The following SNTG1 variants were observed in gnomAD, a reference collection of about 807,000 sequenced individuals.
SNTG1 encodes the protein syntrophin gamma 1.
SNTG1 carries 39 observed loss-of-function variants against 74.7 expected under a neutral mutation model. That is an observed-to-expected ratio of 0.52 (90% CI 0.40 to 0.68). The LOEUF (loss-of-function observed/expected upper bound fraction) is 0.68. SNTG1 is among the 30% of genes least tolerant of loss of function. The pLI is 0.00. For synonymous variants in SNTG1, 254 were observed against 217.1 expected (o/e 1.17, Z -1.49); for missense variants, 685 against 609.5 (o/e 1.12, Z -1.30).
intron 5 of SNTG1, among the ~76,000 whole-genome samples, chr8:50,442,453 GGCTCACTCCT>G (rs1270604413): frequency 6.6e-6 from 1 of 151,904 alleles, no homozygotes; most frequent in Non-Finnish European, 1.5e-5. Context: ...TTATGCACCT[GGCTCACTCCT>G]GCTCCCAGCC....
intron 8 of SNTG1, chr8:50,457,934 T>G (rs2093521995): frequency 6.6e-6 from 1 of 152,366 alleles, no homozygotes; most frequent in Middle Eastern, 3.4e-3. Flanking sequence ...GGCAGCCGGT[T>G]TCACCACTCA....
At chr8:50,473,732 C>T (rs927765520) in intron 8 of SNTG1, among the ~76,000 whole-genome samples, 5 of 152,006 alleles carry the variant, frequency 3.3e-5, no homozygotes, top group African/African-American at 1.2e-4. Context: ...TATTATTCTC[C>T]CCCAAATGGA....
chr8:50,453,194 A>G (rs1216897048), intron 8 of SNTG1, among the ~76,000 whole-genome samples: 2 of 152,194 alleles, frequency 1.3e-5, no homozygotes, highest in South Asian at 2.1e-4. Flanking sequence ...TTTGATTTAT[A>G]TAGAAGGGGG....
chr8:50,143,735 T>G (rs538922968), intron 1 of SNTG1, among the ~76,000 whole-genome samples: 1 of 152,272 alleles, frequency 6.6e-6, no homozygotes, highest in East Asian at 1.9e-4. Context: ...TAGAGTGTAT[T>G]TTAGTATAAT....
intron 9 of SNTG1, among the ~76,000 whole-genome samples, chr8:50,506,614 T>G (rs1475284588): frequency 6.6e-6 from 1 of 152,078 alleles, no homozygotes; most frequent in Non-Finnish European, 1.5e-5. Flanking sequence ...ATAAAATTGT[T>G]TTTTTATTGT....
At chr8:50,773,107 A>G (rs1471605954) in intron 18 of SNTG1, among the ~76,000 whole-genome samples, 1 of 152,138 alleles carries the variant, frequency 6.6e-6, no homozygotes. Context: ...ACTAAGACAC[A>G]GGCCTTGTCA....
At chr8:49,988,724 A>T (rs1227418831) in intron 1 of SNTG1, among the ~76,000 whole-genome samples, 1 of 152,108 alleles carries the variant, frequency 6.6e-6, no homozygotes, top group Non-Finnish European at 1.5e-5. Context: ...ATATAAGTGA[A>T]AATGAAGTCA....
At chr8:50,232,112 A>C (rs886185976) in intron 2 of SNTG1, among the ~76,000 whole-genome samples, 1 of 151,554 alleles carries the variant, frequency 6.6e-6, no homozygotes, top group East Asian at 1.9e-4. Flanking sequence ...CTGTTCCCAA[A>C]TTAGCAAAGG....
At chr8:50,578,915 G>A (rs781172238) in intron 12 of SNTG1, among the ~76,000 whole-genome samples, 24 of 152,136 alleles carry the variant, frequency 1.6e-4, no homozygotes, top group Non-Finnish European at 2.8e-4. Context: ...GGAGTGGGGT[G>A]TGGCTATAAG....
At chr8:50,546,546 C>A (rs370826024) in intron 11 of SNTG1, among the ~76,000 whole-genome samples, 1 of 143,418 alleles carries the variant, frequency 7.0e-6, no homozygotes, top group African/African-American at 2.7e-5. Context: ...CCCTACCCCA[C>A]GACAGTCCCC....
At chr8:50,150,002 G>A (rs557061395) in intron 1 of SNTG1, among the ~76,000 whole-genome samples, 5 of 152,170 alleles carry the variant, frequency 3.3e-5, no homozygotes, top group South Asian at 2.1e-4. Context: ...CCATTTTCAC[G>A]ATATTGATTT....
At chr8:50,060,238 T>C (rs1484720158) in intron 1 of SNTG1, among the ~76,000 whole-genome samples, 1 of 152,146 alleles carries the variant, frequency 6.6e-6, no homozygotes, top group African/African-American at 2.4e-5. Flanking sequence ...TTAACTATTC[T>C]TTATATATTC....
At chr8:50,076,333 T>C (rs1381720387) in intron 1 of SNTG1, among the ~76,000 whole-genome samples, 4 of 152,142 alleles carry the variant, frequency 2.6e-5, no homozygotes, top group Admixed American at 1.3e-4. Flanking sequence ...TGAGTTGGTT[T>C]ATGAGTATTA....
chr8:50,662,973 A>G (rs1442416832), intron 15 of SNTG1, among the ~76,000 whole-genome samples: 6 of 152,202 alleles, frequency 3.9e-5, no homozygotes, highest in Admixed American at 1.3e-4. Context: ...AAGAGAGTTG[A>G]ACTCACAAAA....
chr8:50,251,909 A>G (rs2086662893), intron 2 of SNTG1, among the ~76,000 whole-genome samples: 1 of 152,114 alleles, frequency 6.6e-6, no homozygotes, highest in Non-Finnish European at 1.5e-5. Context: ...GCAGAATTCC[A>G]AGTTTTCTTA....
At chr8:50,689,007 C>A (rs1424479517) in intron 15 of SNTG1, among the ~76,000 whole-genome samples, 1 of 151,352 alleles carries the variant, frequency 6.6e-6, no homozygotes, top group East Asian at 1.9e-4. Context: ...GTATTTTATT[C>A]TCTTTGAAGC....
At chr8:50,481,356 G>A (rs2093739005) in intron 8 of SNTG1, among the ~76,000 whole-genome samples, 1 of 152,136 alleles carries the variant, frequency 6.6e-6, no homozygotes, top group Non-Finnish European at 1.5e-5. Flanking sequence ...ACTCCAGCAT[G>A]GGCGACAGAG....
chr8:50,743,109 A>G (rs1314285255), intron 17 of SNTG1, among the ~76,000 whole-genome samples: 1 of 151,882 alleles, frequency 6.6e-6, no homozygotes, highest in Non-Finnish European at 1.5e-5. Flanking sequence ...TTACCAAAAA[A>G]AAAAAAAATT....
intron 18 of SNTG1, among the ~76,000 whole-genome samples, chr8:50,782,310 G>T (rs13270824): frequency 0.2 from 29,889 of 152,136 alleles, 3,055 homozygotes; most frequent in South Asian, 0.33. Flanking sequence ...TTTCCAACTT[G>T]GTTCCATTCT....
Sources: gnomAD v4.1 joint callset for allele counts (sites outside exome capture counted in the v4.1 genomes callset) on GRCh38, gnomAD v4.1.1 for gene constraint, MANE v1.5 for transcripts, NCBI Gene and HGNC (gene_info 2026-07-23, HGNC 2026-07-21) for gene names.